The following SLIT3 variants were observed in gnomAD, a reference collection of about 807,000 sequenced individuals.
SLIT3 encodes the protein slit homolog 3 protein.
A neutral mutation model predicts 184.0 loss-of-function variants in SLIT3; 68 were observed. The observed-to-expected ratio is 0.37, with a 90% CI of 0.30 to 0.45. The LOEUF (loss-of-function observed/expected upper bound fraction) is 0.45. Among genes scored for constraint, SLIT3 ranks in the 20% least tolerant of loss-of-function variants. The pLI, the probability that SLIT3 is intolerant of heterozygous loss-of-function variation, is 1.00. For missense variants in SLIT3, 1,707 were observed against 2,026.0 expected (o/e 0.84, Z 3.02); for synonymous variants, 831 against 828.6 (o/e 1.00, Z -0.05).
chr5:168,852,135 A>G (rs2974426), intron 5 of SLIT3, among the ~76,000 whole-genome samples: 81,637 of 152,116 alleles, frequency 0.54, 23,586 homozygotes, highest in African/African-American at 0.76. Flanking sequence ...GGGCAGGTTT[A>G]TGGTTTCCCT....
In SLIT3 at chr5:169,093,634, G is replaced by A. The variant is rs567999722; in HGVS notation, c.413+99845C>T. On this transcript the variant is annotated intron_variant, in intron 4 of 35. Coordinates refer to ENST00000519560, the MANE Select transcript of SLIT3 (RefSeq NM_003062.4). ...AGTTTTACAATAGAGTAGCTCATGG[G>A]TTTTAGTCTTTGTTTTTATAAGAAG... Among the ~76,000 whole-genome samples the A allele has an allele frequency of 1.1e-4, 17 of 152,264 alleles. No individual in the cohort carries two copies. The South Asian group carries it at 3.3e-3, about 30-fold the overall frequency.
intron 19 of SLIT3, 42 bp downstream of exon 19, chr5:168,749,425 GCCTTC>G (rs1581035591): frequency 6.2e-7 from 1 of 1,606,572 alleles, no homozygotes; most frequent in Non-Finnish European, 8.5e-7. Flanking sequence ...CATCTTCCTT[GCCTTC>G]CCAGGGCCTT....
intron 4 of SLIT3, among the ~76,000 whole-genome samples, chr5:169,152,303 A>T (rs1014404640): frequency 1.3e-5 from 2 of 152,252 alleles, no homozygotes; most frequent in African/African-American, 2.4e-5. Flanking sequence ...GTCACCTGCC[A>T]CATCACTCAG....
At chr5:168,897,953 G>T (rs1338721817) in intron 4 of SLIT3, among the ~76,000 whole-genome samples, 1 of 152,136 alleles carries the variant, frequency 6.6e-6, no homozygotes, top group African/African-American at 2.4e-5. Context: ...AGGTCGGCTG[G>T]GGCTTCCCCT....
At chr5:169,117,422 C>T (rs1012344647) in intron 4 of SLIT3, among the ~76,000 whole-genome samples, 1 of 151,098 alleles carries the variant, frequency 6.6e-6, no homozygotes, top group Non-Finnish European at 1.5e-5. Context: ...CCCCTCCCTG[C>T]CCCCCTCACC....
intron 4 of SLIT3, among the ~76,000 whole-genome samples, chr5:169,155,249 T>A (rs542138479): frequency 6.6e-6 from 1 of 152,226 alleles, no homozygotes; most frequent in African/African-American, 2.4e-5. Context: ...GTCTTCCCTA[T>A]CAACAGTCAG....
At chr5:168,820,952 G>A (rs1349488322) in intron 7 of SLIT3, among the ~76,000 whole-genome samples, 3 of 151,826 alleles carry the variant, frequency 2.0e-5, no homozygotes, top group South Asian at 4.2e-4. Flanking sequence ...ACCACCAGCC[G>A]TCCCCCCCAA....
chr5:168,787,143 G>A (rs1756183629), intron 11 of SLIT3, among the ~76,000 whole-genome samples: 1 of 152,178 alleles, frequency 6.6e-6, no homozygotes, highest in Non-Finnish European at 1.5e-5. Context: ...ACAAATTAAT[G>A]ACTAAATAAA....
intron 4 of SLIT3, among the ~76,000 whole-genome samples, chr5:168,887,207 G>A (rs893340089): frequency 6.6e-6 from 1 of 152,066 alleles, no homozygotes; most frequent in African/African-American, 2.4e-5. Context: ...ACCCCTGCAA[G>A]ACTAGGAGGA....
chr5:168,734,690 C>T (rs1763380217), intron 20 of SLIT3, among the ~76,000 whole-genome samples: 1 of 152,210 alleles, frequency 6.6e-6, no homozygotes, highest in African/African-American at 2.4e-5. Context: ...AAAGCATTGG[C>T]TGTCTTTTCA....
At chr5:168,920,288 TAGCGAGCTGG>T (rs1390659538) in intron 4 of SLIT3, among the ~76,000 whole-genome samples, 1 of 152,192 alleles carries the variant, frequency 6.6e-6, no homozygotes, top group Non-Finnish European at 1.5e-5. Flanking sequence ...TCAAGATTTT[TAGCGAGCTGG>T]AGCCTCTAAC....
chr5:168,825,327 C>A (rs1163056478), intron 6 of SLIT3, among the ~76,000 whole-genome samples: 1 of 152,182 alleles, frequency 6.6e-6, no homozygotes, highest in Admixed American at 6.5e-5. Context: ...TCTCCAGCCC[C>A]TTGTGAGCCC....
chr5:169,022,012 G>C (rs13358206), intron 4 of SLIT3: 11 of 152,216 alleles, frequency 7.2e-5, no homozygotes, highest in African/African-American at 2.4e-4. Context: ...AACCCTAAGT[G>C]TGCTCAGAGT....
At chr5:169,221,336 T>C (rs1393150569) in intron 3 of SLIT3, among the ~76,000 whole-genome samples, 1 of 152,226 alleles carries the variant, frequency 6.6e-6, no homozygotes, top group Non-Finnish European at 1.5e-5. Context: ...CTTTTGTTTA[T>C]GCACTGTTTC....
At chr5:168,871,371 T>C (rs1297170642) in intron 5 of SLIT3, among the ~76,000 whole-genome samples, 2 of 152,140 alleles carry the variant, frequency 1.3e-5, no homozygotes, top group Non-Finnish European at 2.9e-5. Flanking sequence ...AGAAGAGCCA[T>C]TTTTCAGCCT....
chr5:169,031,348 T>C (rs982669470), intron 4 of SLIT3, among the ~76,000 whole-genome samples: 6 of 152,178 alleles, frequency 3.9e-5, no homozygotes, highest in Admixed American at 3.9e-4. Context: ...AAAAAAAATA[T>C]GGAGGTGATT....
rs187956661 is a variant in SLIT3 at position 169,077,303 on chromosome 5, T to C, written c.413+116176A>G. ...CTGTAATCCCAGCACTTTGGGAGGC[T>C]GAGGCGGGCGGATCACAAGGTCAGG... On this transcript the variant is annotated intron_variant, in intron 4 of 35. Coordinates refer to ENST00000519560, the MANE Select transcript of SLIT3 (RefSeq NM_003062.4). Among the ~76,000 whole-genome samples the C allele has an allele frequency of 6.0e-3, 910 of 152,208 alleles. 9 individuals are homozygous for C. The highest frequency in any genetic ancestry group is 0.021 in the African/African-American group (865 of 41,540).
intron 4 of SLIT3, among the ~76,000 whole-genome samples, chr5:169,185,016 G>A (rs1041391802): frequency 1.1e-4 from 17 of 152,192 alleles, no homozygotes. Context: ...TCTATGCTCA[G>A]CTGGACACAT....
At chr5:168,695,724 T>C (rs1352434046) in intron 28 of SLIT3, among the ~76,000 whole-genome samples, 1 of 152,142 alleles carries the variant, frequency 6.6e-6, no homozygotes, top group Non-Finnish European at 1.5e-5. Flanking sequence ...AATGCTCTCT[T>C]GTGGGAGCCT....
Sources: gnomAD v4.1 joint callset for allele counts (sites outside exome capture counted in the v4.1 genomes callset) on GRCh38, gnomAD v4.1.1 for gene constraint, MANE v1.5 for transcripts, NCBI Gene and HGNC (gene_info 2026-07-23, HGNC 2026-07-21) for gene names.